GLT8D2: variants seen among roughly 807,000 people sequenced by gnomAD.
The protein encoded by GLT8D2 is glycosyltransferase 8 domain containing 2.
GLT8D2 carries 45 observed loss-of-function variants against 44.5 expected under a neutral mutation model. The ratio of observed to expected loss-of-function variants is 1.01; its 90% confidence interval spans 0.80 to 1.30. The LOEUF is 1.30. Ranked by LOEUF, GLT8D2 falls within the 50% of genes most tolerant of loss-of-function variation. GLT8D2 has a pLI of 0.00. For synonymous variants in GLT8D2, 156 were observed against 157.2 expected (o/e 0.99, Z 0.06); for missense variants, 400 against 430.4 (o/e 0.93, Z 0.62).
intron 4 of GLT8D2, among the ~76,000 whole-genome samples, chr12:104,007,233 G>GCTCTCTCTCCCT (rs1875154215): frequency 1.5e-5 from 1 of 66,286 alleles, no homozygotes; most frequent in African/African-American, 5.5e-5. Context: ...TATACTTAAA[G>GCTCTCTCTCCCT]CTCTCTCTCT....
chr12:104,053,850 C>T (rs963743721), upstream of GLT8D2, among the ~76,000 whole-genome samples: 1 of 151,422 alleles, frequency 6.6e-6, no homozygotes, highest in Non-Finnish European at 1.5e-5. Context: ...CGCCACTGCA[C>T]TCCAGCCTGG....
intron 1 of GLT8D2, among the ~76,000 whole-genome samples, chr12:104,037,536 A>G (rs1880043584): frequency 6.6e-6 from 1 of 152,214 alleles, no homozygotes; most frequent in South Asian, 2.1e-4. Flanking sequence ...AATAAACTAG[A>G]AAATATAGAA....
intron 1 of GLT8D2, 66 bp downstream of exon 1, chr12:104,049,829 A>G (rs1261135248): frequency 1.3e-5 from 2 of 152,366 alleles, no homozygotes; most frequent in East Asian, 3.9e-4. Context: ...CAGAATAAAG[A>G]ACTGCTGCAG....
In GLT8D2 at chr12:103,990,760, C is replaced by G. The variant is rs538861415; in HGVS notation, c.881-1183G>C. On this transcript the variant is annotated intron_variant, in intron 10 of 10. Transcript: ENST00000360814. ...ATCGCAGCATAACTGGAATAATTAT[C>G]AATCATCAGAGTCTATGCAAAGGAA... is the stretch of plus-strand genomic sequence containing the variant. Among the ~76,000 whole-genome samples, 174 of 152,220 alleles carry G rather than the reference C, an allele frequency of 1.1e-3. 2 individuals are homozygous for G. The South Asian group carries it at 0.034, about 30-fold the overall frequency.
In GLT8D2 at chr12:104,040,793, C is replaced by A. The variant is rs150252011; in HGVS notation, c.-164+9102G>T. On this transcript the variant is annotated intron_variant, in intron 1 of 10. Coordinates refer to ENST00000360814, the MANE Select transcript of GLT8D2 (RefSeq NM_001384711.1). Reference sequence around the variant, plus strand: ...GACTCGAGTATATAGGTACTTTTAGCTTTTTAGATGCTGTGTTGTGACTTT... The same window carrying A: ...GACTCGAGTATATAGGTACTTTTAGATTTTTAGATGCTGTGTTGTGACTTT... Among the ~76,000 whole-genome samples the A allele has an allele frequency of 2.6e-4, 39 of 152,192 alleles. No individual in the cohort carries two copies. The East Asian group carries it at 7.3e-3, about 29-fold the overall frequency.
At chr12:104,022,013 AG>A (rs1566202737) in intron 1 of GLT8D2, among the ~76,000 whole-genome samples, 1 of 71,206 alleles carries the variant, frequency 1.4e-5, no homozygotes, top group African/African-American at 6.9e-5. Flanking sequence ...AAGAAGAAGA[AG>A]AAGAAGAAAA....
rs181009202 is a variant in GLT8D2 at position 104,002,382 on chromosome 12, T to G, written c.284+753A>C. On this transcript the variant is annotated intron_variant, in intron 5 of 10. Transcript: ENST00000360814. Reference sequence around the variant, plus strand: ...TTTTGTAACAATTCTATATTTTGGATGGTAATTTTTTGTCTATAATACATG... The same window carrying G: ...TTTTGTAACAATTCTATATTTTGGAGGGTAATTTTTTGTCTATAATACATG... Among the ~76,000 whole-genome samples the G allele has an allele frequency of 1.8e-3, 268 of 152,320 alleles. 1 individual carries two copies. The highest frequency in any genetic ancestry group is 6.3e-3 in the African/African-American group (260 of 41,576).
chr12:104,023,800 C>T (rs753514250), intron 1 of GLT8D2, among the ~76,000 whole-genome samples: 5 of 152,132 alleles, frequency 3.3e-5, no homozygotes, highest in African/African-American at 4.8e-5. Flanking sequence ...TAATATTTTG[C>T]GAGACTTTCT....
At chr12:104,007,642 G>A in intron 4 of GLT8D2, among the ~76,000 whole-genome samples, 1 of 152,128 alleles carries the variant, frequency 6.6e-6, no homozygotes, top group South Asian at 2.1e-4. Context: ...ATGGACCTAT[G>A]TCTATTTATG....
intron 5 of GLT8D2, among the ~76,000 whole-genome samples, chr12:104,000,438 A>T (rs755184585): frequency 9.9e-5 from 15 of 152,248 alleles, no homozygotes; most frequent in Non-Finnish European, 1.9e-4. Flanking sequence ...GTTAGTGAGA[A>T]CATGCTGGAT....
chr12:104,002,114 A>T (rs1235436152), intron 5 of GLT8D2, among the ~76,000 whole-genome samples: 3 of 151,956 alleles, frequency 2.0e-5, no homozygotes, highest in Non-Finnish European at 2.9e-5. Context: ...ATGTATCACC[A>T]CCCTCAGCTA....
At chr12:104,036,336 A>G (rs1190343977) in intron 1 of GLT8D2, among the ~76,000 whole-genome samples, 3 of 152,366 alleles carry the variant, frequency 2.0e-5, no homozygotes, top group African/African-American at 7.2e-5. Context: ...TAAATGGACT[A>G]TATGTCCCAA....
intron 6 of GLT8D2, 83 bp downstream of exon 6, chr12:103,999,314 A>C: frequency 1.4e-6 from 1 of 725,402 alleles, no homozygotes; most frequent in African/African-American, 1.8e-5. Context: ...AATATTCCAC[A>C]TGCATCCCGG....
chr12:104,052,436 C>T (rs1218689204), upstream of GLT8D2, among the ~76,000 whole-genome samples: 2 of 152,168 alleles, frequency 1.3e-5, no homozygotes, highest in East Asian at 3.8e-4. Flanking sequence ...CAAATTAAAG[C>T]CCAAGTTCCC....
Position 104,021,939 on chromosome 12 carries a change from GAAGAA to G in GLT8D2, c.-163-453_-163-449del, listed in dbSNP as rs1566202478. Among the ~76,000 whole-genome samples, 260 of 26,734 alleles carry G rather than the reference GAAGAA, an allele frequency of 9.7e-3. 30 individuals carry two copies. The highest frequency in any genetic ancestry group is 0.03 in the East Asian group (15 of 504). 17.5% of individuals were successfully genotyped at this position (26,734 alleles called of 152,430 possible). A position where few individuals can be genotyped will look rare whatever the true frequency, so the allele number is the denominator to read the frequency against. ...AGAAGAAGAAGAAGAAGAAGAAGAA[GAAGAA>G]GAAGAAGAAGAGGAAGAAGAGGAAG... On this transcript the variant is annotated intron_variant, in intron 1 of 10. Coordinates refer to ENST00000360814, the MANE Select transcript of GLT8D2 (RefSeq NM_001384711.1).
At chr12:104,061,993 A>AG (rs1882691548) in intron 1 of GLT8D2, among the ~76,000 whole-genome samples, 1 of 150,246 alleles carries the variant, frequency 6.7e-6, no homozygotes, top group Non-Finnish European at 1.5e-5. Flanking sequence ...AAAAAAAAAA[A>AG]ATGGGTTAAT....
Position 104,030,371 on chromosome 12 carries a change from T to C in GLT8D2, c.-163-8880A>G, listed in dbSNP as rs142089586. Among the ~76,000 whole-genome samples the C allele has an allele frequency of 1.9e-3, 289 of 152,064 alleles. 1 individual carries two copies. The highest frequency in any genetic ancestry group is 6.8e-3 in the African/African-American group (281 of 41,564). ...GAATTACATATTAAATAAGTAATTA[T>C]TCATTTTTATTATTTATTAATTTAA... On this transcript the variant is annotated intron_variant, in intron 1 of 10. Transcript: ENST00000360814.
At chr12:103,998,645 C>T (rs1424571398) in intron 6 of GLT8D2, among the ~76,000 whole-genome samples, 18 of 152,166 alleles carry the variant, frequency 1.2e-4, no homozygotes, top group East Asian at 3.9e-4. Flanking sequence ...CCTGACCTCA[C>T]GATCCGCCTG....
upstream of GLT8D2, among the ~76,000 whole-genome samples, chr12:104,053,709 C>T (rs559761692): frequency 6.6e-6 from 1 of 152,106 alleles, no homozygotes; most frequent in East Asian, 1.9e-4. Context: ...ACAGTGAAAC[C>T]CTGTCTCTAC....
Sources: gnomAD v4.1 joint callset for allele counts (sites outside exome capture counted in the v4.1 genomes callset) on GRCh38, gnomAD v4.1.1 for gene constraint, MANE v1.5 for transcripts, NCBI Gene and HGNC (gene_info 2026-07-23, HGNC 2026-07-21) for gene names.